The following LIN54 variants were observed in gnomAD, a reference collection of about 807,000 sequenced individuals.
LIN54 encodes the protein protein lin-54 homolog.
Under a neutral mutation model 78.7 loss-of-function variants are expected in LIN54, and 9 were observed. That is an observed-to-expected ratio of 0.11 (90% CI 0.07 to 0.20). The LOEUF (loss-of-function observed/expected upper bound fraction) is 0.20. Among genes scored for constraint, LIN54 ranks in the 10% least tolerant of loss-of-function variants. The pLI is 1.00. For synonymous variants in LIN54, 269 were observed against 318.4 expected (o/e 0.84, Z 1.65); for missense variants, 573 against 889.9 (o/e 0.64, Z 4.53).
intron 11 of LIN54, among the ~76,000 whole-genome samples, chr4:82,931,773 C>G (rs1464296751): frequency 1.3e-5 from 2 of 151,942 alleles, no homozygotes; most frequent in African/African-American, 4.8e-5. Flanking sequence ...AAATATAGAA[C>G]TTTCATTTTT....
intron 1 of LIN54, among the ~76,000 whole-genome samples, chr4:82,989,050 C>T (rs966006439): frequency 2.0e-5 from 3 of 151,724 alleles, no homozygotes; most frequent in Admixed American, 1.3e-4. Flanking sequence ...TAGCCAGGCG[C>T]GGTGGTGGGT....
chr4:82,978,159 G>A (rs565777985), intron 3 of LIN54, among the ~76,000 whole-genome samples: 20 of 152,106 alleles, frequency 1.3e-4, no homozygotes, highest in Non-Finnish European at 2.5e-4. Context: ...TAAAGAGAAC[G>A]AACACTTGAA....
intron 9 of LIN54, 111 bp downstream of exon 9, chr4:82,937,116 A>T: frequency 1.4e-6 from 1 of 739,960 alleles, no homozygotes; most frequent in South Asian, 1.5e-5. Flanking sequence ...GTTTATTTAA[A>T]TTACTTAGAC....
At chr4:82,965,503 A>G (rs1725129911) in intron 4 of LIN54, among the ~76,000 whole-genome samples, 1 of 152,174 alleles carries the variant, frequency 6.6e-6, no homozygotes, top group African/African-American at 2.4e-5. Flanking sequence ...TGAAGGAGAA[A>G]AAGAGCTATC....
intron 4 of LIN54, among the ~76,000 whole-genome samples, chr4:82,947,226 T>TATATAC (rs1723442350): frequency 3.5e-5 from 1 of 28,192 alleles, no homozygotes; most frequent in Admixed American, 4.0e-4. Context: ...TATATATATA[T>TATATAC]ATATATATAT....
chr4:82,992,736 G>A lies in LIN54; in HGVS notation c.-32-7860C>T, dbSNP rs114467552. ...TGCCTGGCTTTTGTTTTGTAAAAAT[G>A]AGGTGTCCCCGGCCAGGCGTGGTGG... is the stretch of plus-strand genomic sequence containing the variant. On this transcript the variant is annotated intron_variant, in intron 1 of 12. Transcript: ENST00000340417. Among the ~76,000 whole-genome samples, 1,272 of 151,754 alleles carry A rather than the reference G, an allele frequency of 8.4e-3. 21 individuals carry two copies. Among genetic ancestry groups the A allele is most frequent in the African/African-American group, 0.029 (1,185 of 41,426 alleles).
intron 1 of LIN54, among the ~76,000 whole-genome samples, chr4:83,001,568 G>A (rs966153025): frequency 3.3e-5 from 5 of 151,218 alleles, no homozygotes; most frequent in East Asian, 2.0e-4. Context: ...AAAAGAAGCC[G>A]GGCGCAGTGG....
At chr4:82,979,939 CAAAAAA>C (rs70943176) in intron 2 of LIN54, among the ~76,000 whole-genome samples, 2,877 of 49,690 alleles carry the variant, frequency 0.058, 89 homozygotes, top group Non-Finnish European at 0.079. Flanking sequence ...GACTCTGTCT[CAAAAAA>C]AAAAAAAAAA....
chr4:82,991,226 AT>A (rs1481664140), intron 1 of LIN54, among the ~76,000 whole-genome samples: 10 of 151,400 alleles, frequency 6.6e-5, no homozygotes, highest in Non-Finnish European at 1.5e-4. Flanking sequence ...TATGTTAGCA[AT>A]GTTGTGCACT....
chr4:82,976,014 C>G lies in LIN54; in HGVS notation c.808+2869G>C, dbSNP rs533803181. On this transcript the variant is annotated intron_variant, in intron 3 of 12. Coordinates refer to ENST00000340417, the MANE Select transcript of LIN54 (RefSeq NM_194282.4). ...AAATGGATGAGTCAGCCGCAAGGAA[C>G]GGCAAAGAAAGGCATTCCATGTAAA... Among the ~76,000 whole-genome samples, 29 of 152,290 alleles carry G rather than the reference C, an allele frequency of 1.9e-4. No homozygotes were observed. In the South Asian group the frequency reaches 4.6e-3, roughly 24 times the overall value.
At chr4:82,952,936 T>C (rs923809801) in intron 4 of LIN54, among the ~76,000 whole-genome samples, 2 of 152,218 alleles carry the variant, frequency 1.3e-5, no homozygotes, top group African/African-American at 2.4e-5. Context: ...ATTAGTAGAA[T>C]AGTGACTTCC....
rs1729782913 is a variant in LIN54, at chr4:83,010,533, C to T, written c.-82G>A. The T allele has an allele frequency of 8.3e-7, 1 of 1,197,928 alleles. No individual in the cohort carries two copies. Among genetic ancestry groups the T allele is most frequent in the African/African-American group, 1.6e-5 (1 of 62,882 alleles). 74.2% of individuals were successfully genotyped at this position (1,197,928 alleles called of 1,614,324 possible). ...CCCTCGGGCTCCGAGGTAGGGGCTC[C>T]AGAAGGTCCTGGGCAATCCCGAGCC... On this transcript the variant is annotated 5_prime_UTR_variant, in exon 1 of 13. Coordinates refer to ENST00000340417, the MANE Select transcript of LIN54 (RefSeq NM_194282.4).
At chr4:82,958,629 A>T (rs906461477) in intron 4 of LIN54, among the ~76,000 whole-genome samples, 1 of 152,170 alleles carries the variant, frequency 6.6e-6, no homozygotes, top group Non-Finnish European at 1.5e-5. Flanking sequence ...TCAAATCAAC[A>T]TAAGTGATTT....
At chr4:82,973,498 T>G (rs1330652409) in intron 3 of LIN54, among the ~76,000 whole-genome samples, 1 of 152,040 alleles carries the variant, frequency 6.6e-6, no homozygotes. Flanking sequence ...ACCTTGAAAT[T>G]AATTTCTGTT....
chr4:82,958,394 T>G (rs779735183), intron 4 of LIN54, among the ~76,000 whole-genome samples: 1 of 152,178 alleles, frequency 6.6e-6, no homozygotes, highest in Non-Finnish European at 1.5e-5. Flanking sequence ...AATGAATGGA[T>G]GCAATATGCA....
At chr4:82,967,032 C>G (rs1725258641) in intron 4 of LIN54, among the ~76,000 whole-genome samples, 2 of 151,778 alleles carry the variant, frequency 1.3e-5, no homozygotes, top group South Asian at 4.2e-4. Context: ...GATCGAGACC[C>G]TCCTGGACGA....
At chr4:82,939,987 G>A (rs753086002) in intron 5 of LIN54, 25 bp from the exon 6 acceptor site, 3 of 1,516,630 alleles carry the variant, frequency 2.0e-6, no homozygotes. Flanking sequence ...AAAGAAGGAT[G>A]AACAAGTTAT....
chr4:82,960,440 C>CT (rs1162766269), intron 4 of LIN54, among the ~76,000 whole-genome samples: 369 of 145,744 alleles, frequency 2.5e-3, no homozygotes, highest in African/African-American at 4.5e-3. Flanking sequence ...CTCAATTGTC[C>CT]TTTTTTTTTT....
At chr4:82,995,186 G>A (rs1210808760) in intron 1 of LIN54, among the ~76,000 whole-genome samples, 1 of 151,860 alleles carries the variant, frequency 6.6e-6, no homozygotes, top group Non-Finnish European at 1.5e-5. Context: ...TAAAGTCCCA[G>A]CTACTCGGGA....
Sources: allele counts gnomAD v4.1 joint callset (sites outside exome capture counted in the v4.1 genomes callset), GRCh38; gene constraint gnomAD v4.1.1; transcripts MANE v1.5; gene names NCBI Gene and HGNC (gene_info 2026-07-23, HGNC 2026-07-21).